The following SCNN1B variants were observed in gnomAD, a reference collection of about 807,000 sequenced individuals.
The protein encoded by SCNN1B is sodium channel epithelial 1 subunit beta, also known as epithelial sodium channel subunit beta.
SCNN1B carries 46 observed loss-of-function variants against 65.3 expected under a neutral mutation model. The ratio of observed to expected loss-of-function variants is 0.70; its 90% CI spans 0.56 to 0.90. The LOEUF (loss-of-function observed/expected upper bound fraction) is 0.90, where lower values mean the gene tolerates loss of function less well. Ranked by LOEUF, SCNN1B falls within the 40% of genes least tolerant of loss-of-function variation. The probability of loss-of-function intolerance (pLI) is 0.00; values close to 1 mark genes in which losing one functional copy is unlikely to be tolerated. For missense variants in SCNN1B, 751 were observed against 830.5 expected (o/e 0.90, Z 1.18); for synonymous variants, 349 against 330.6 (o/e 1.06, Z -0.60).
At chr16:23,378,090 C>A (rs1298049965) in intron 10 of SCNN1B, among the ~76,000 whole-genome samples, 2 of 152,230 alleles carry the variant, frequency 1.3e-5, no homozygotes, top group African/African-American at 2.4e-5. Context: ...CTCACTGAAG[C>A]CTCGAACTCC....
chr16:23,303,320 C>G (rs1009744730), intron 1 of SCNN1B, among the ~76,000 whole-genome samples: 2 of 152,158 alleles, frequency 1.3e-5, no homozygotes, highest in Non-Finnish European at 2.9e-5. Context: ...CCAAGACTGG[C>G]TTTGGTCCCT....
upstream of SCNN1B, among the ~76,000 whole-genome samples, chr16:23,300,362 A>G (rs1961057374): frequency 2.9e-5 from 4 of 137,322 alleles, no homozygotes; most frequent in Admixed American, 2.1e-4. Flanking sequence ...AAAAAGACTG[A>G]AAAAAAAAGC....
chr16:23,380,226 T>A lies in SCNN1B; in HGVS notation c.1542+57T>A. 1 of 1,528,010 alleles carries A rather than the reference T, an allele frequency of 6.5e-7. No homozygotes were observed. The highest frequency in any genetic ancestry group is 1.4e-5 in the African/African-American group (1 of 73,236). The allele number at this position is 1,528,010 out of a possible 1,614,324, so 94.7% of individuals were successfully genotyped here. A position where few individuals can be genotyped will look rare whatever the true frequency, so the allele number is the denominator to read the frequency against. On this transcript the variant is annotated intron_variant, in intron 12 of 12. Coordinates refer to ENST00000343070, the MANE Select transcript of SCNN1B (RefSeq NM_000336.3). This position sits in a 1 kb window ranked among gnomAD's most constrained non-coding sequence, Gnocchi z 5.4. ...CTGCCCTGCCCTGACCCCTGCACCC[T>A]GAGGGTGGGGGAAGGGTTCTGAGCC...
At chr16:23,308,433 G>A (rs1043034120) in intron 1 of SCNN1B, among the ~76,000 whole-genome samples, 1 of 152,066 alleles carries the variant, frequency 6.6e-6, no homozygotes. Context: ...TGAGGCAGAA[G>A]GGTTGCTTGA....
intron 1 of SCNN1B, among the ~76,000 whole-genome samples, chr16:23,340,638 C>A (rs239347): frequency 0.27 from 41,684 of 151,966 alleles, 5,849 homozygotes; most frequent in Middle Eastern, 0.33. Flanking sequence ...TCAAGTGATC[C>A]CAGTACTTTA....
intron 5 of SCNN1B, among the ~76,000 whole-genome samples, chr16:23,369,832 T>A (rs1482537805): frequency 1.3e-5 from 2 of 152,182 alleles, no homozygotes; most frequent in Non-Finnish European, 2.9e-5. Context: ...CTCAGACAAG[T>A]CCCTTCACTT....
upstream of SCNN1B, among the ~76,000 whole-genome samples, chr16:23,301,104 C>T (rs931173850): frequency 6.6e-6 from 1 of 151,740 alleles, no homozygotes; most frequent in African/African-American, 2.4e-5. Context: ...TGGCTCACAC[C>T]TGTAATCCCA....
intron 1 of SCNN1B, among the ~76,000 whole-genome samples, chr16:23,282,463 A>G (rs1960796898): frequency 6.6e-6 from 1 of 152,210 alleles, no homozygotes; most frequent in African/African-American, 2.4e-5. Context: ...CAAGATTCAC[A>G]AAGCAAATAA....
chr16:23,320,394 T>G (rs1353379306), intron 1 of SCNN1B, among the ~76,000 whole-genome samples: 4 of 152,166 alleles, frequency 2.6e-5, no homozygotes, highest in Non-Finnish European at 5.9e-5. Context: ...AGCTCTGCAT[T>G]GACTCTCCCC....
chr16:23,311,137 C>T (rs536229582), intron 1 of SCNN1B, among the ~76,000 whole-genome samples: 1 of 152,342 alleles, frequency 6.6e-6, no homozygotes, highest in South Asian at 2.1e-4. Context: ...GGAATTGACC[C>T]AGTGGTTATC....
intron 2 of SCNN1B, among the ~76,000 whole-genome samples, chr16:23,284,404 C>CA (rs1022954276): frequency 9.3e-5 from 14 of 151,312 alleles, no homozygotes; most frequent in Non-Finnish European, 1.8e-4. Flanking sequence ...GACTCCATCT[C>CA]AAAAAAATAA....
chr16:23,348,952 C>CGGTT lies in SCNN1B; in HGVS notation c.311+43_311+46dup. The CGGTT allele has an allele frequency of 6.5e-7, 1 of 1,531,356 alleles. No homozygotes were observed. The highest frequency in any genetic ancestry group is 1.1e-5 in the South Asian group (1 of 89,318). The allele number at this position is 1,531,356 out of a possible 1,614,324, so 94.9% of individuals were successfully genotyped here. On this transcript the variant is annotated intron_variant, in intron 2 of 12. Coordinates refer to ENST00000343070, the MANE Select transcript of SCNN1B (RefSeq NM_000336.3). This position sits in a 1 kb window ranked among gnomAD's most constrained non-coding sequence, Gnocchi z 4.5. ...TGCACAGCTGGCCTCAGCAGACAGG[C>CGGTT]GGTTCTCTTTCTCTCTTTTCTTCCC...
chr16:23,369,560 C>G (rs1596880959), intron 5 of SCNN1B, among the ~76,000 whole-genome samples: 1 of 152,048 alleles, frequency 6.6e-6, no homozygotes, highest in Non-Finnish European at 1.5e-5. Context: ...GCTTGTGAGC[C>G]GGGCACAGGT....
intron 1 of SCNN1B, among the ~76,000 whole-genome samples, chr16:23,278,758 C>T (rs1164381355): frequency 1.3e-5 from 2 of 151,722 alleles, no homozygotes; most frequent in African/African-American, 2.4e-5. Context: ...TAGTGACCCC[C>T]CCACCCCTCA....
chr16:23,286,241 CT>C (rs1477206875), intron 2 of SCNN1B, among the ~76,000 whole-genome samples: 2 of 152,200 alleles, frequency 1.3e-5, no homozygotes, highest in African/African-American at 4.8e-5. Flanking sequence ...AGCATTAGAA[CT>C]TTGCAACTCC....
intron 3 of SCNN1B, among the ~76,000 whole-genome samples, chr16:23,353,687 G>A (rs375963118): frequency 7.9e-5 from 12 of 152,254 alleles, no homozygotes; most frequent in African/African-American, 2.2e-4. Context: ...AAGGGGGAAG[G>A]TGGTTCCCTG....
At chr16:23,340,763 T>C (rs1177535592) in intron 1 of SCNN1B, among the ~76,000 whole-genome samples, 1 of 152,210 alleles carries the variant, frequency 6.6e-6, no homozygotes, top group Non-Finnish European at 1.5e-5. Context: ...CTTAATCCAA[T>C]GATCGGTAGA....
intron 1 of SCNN1B, among the ~76,000 whole-genome samples, chr16:23,344,930 G>T (rs1243906659): frequency 6.6e-6 from 1 of 152,124 alleles, no homozygotes; most frequent in Non-Finnish European, 1.5e-5. Context: ...GGAGGTGGAG[G>T]TTGCAGTGAG....
chr16:23,346,200 C>CTTTTTTTTTTTTTTTTTTTTTTTTTTTTT (rs753802362), intron 1 of SCNN1B, among the ~76,000 whole-genome samples: 5 of 78,012 alleles, frequency 6.4e-5, no homozygotes, highest in Admixed American at 1.5e-4. Context: ...TTTTCCTTTT[C>CTTTTTTTTTTTTTTTTTTTTTTTTTTTTT]TTTTTTTTTT....
Sources: gnomAD v4.1 joint callset for allele counts (sites outside exome capture counted in the v4.1 genomes callset) on GRCh38, gnomAD v4.1.1 for gene constraint, Gnocchi (gnomAD v3.1) non-coding constraint, MANE v1.5 for transcripts, NCBI Gene and HGNC (gene_info 2026-07-23, HGNC 2026-07-21) for gene names.